Variants in LARGE1 observed in about 807,000 individuals in gnomAD.
LARGE1 encodes the protein xylosyl- and glucuronyltransferase LARGE1.
In LARGE1, 43 loss-of-function variants were observed where a neutral mutation model predicts 87.6. That is an observed-to-expected ratio of 0.49 (90% confidence interval 0.38 to 0.63). The LOEUF is 0.63. Ranked by LOEUF, LARGE1 falls within the 30% of genes least tolerant of loss-of-function variation. The pLI is 0.00. For synonymous variants in LARGE1, 434 were observed against 394.6 expected, an observed-to-expected ratio of 1.10 and a Z score of -1.18; for missense variants, 802 against 1,000.2, an observed-to-expected ratio of 0.80 and a Z score of 2.67.
At chr22:33,735,576 A>G (rs2083626708) in intron 2 of LARGE1, among the ~76,000 whole-genome samples, 1 of 152,188 alleles carries the variant, frequency 6.6e-6, no homozygotes, top group Admixed American at 6.5e-5. Context: ...TGGTGAATGA[A>G]GGGATCCAAG....
intron 7 of LARGE1, among the ~76,000 whole-genome samples, chr22:33,384,660 A>G (rs1288464691): frequency 6.7e-6 from 1 of 148,874 alleles, no homozygotes; most frequent in Admixed American, 6.7e-5. Flanking sequence ...AGAGCCTAGC[A>G]TTGTATGGAG....
At chr22:33,647,659 C>T (rs563832876) in intron 3 of LARGE1, among the ~76,000 whole-genome samples, 1 of 152,330 alleles carries the variant, frequency 6.6e-6, no homozygotes, top group Admixed American at 6.5e-5. Context: ...TTTTTGATAA[C>T]CTGCAGTGAA....
intron 12 of LARGE1, among the ~76,000 whole-genome samples, chr22:33,293,082 T>A (rs1402926316): frequency 6.6e-6 from 1 of 151,818 alleles, no homozygotes; most frequent in East Asian, 1.9e-4. Flanking sequence ...GTGTGCAGAG[T>A]CATGGAAGAC....
intron 2 of LARGE1, among the ~76,000 whole-genome samples, chr22:33,739,343 C>G (rs2083788732): frequency 6.6e-6 from 1 of 152,172 alleles, no homozygotes. Flanking sequence ...CCCTGGGCAT[C>G]TGACATCCTC....
chr22:33,454,616 TAAAAAAAAA>T (rs563852024), intron 6 of LARGE1, among the ~76,000 whole-genome samples: 1 of 111,480 alleles, frequency 9.0e-6, no homozygotes, highest in Non-Finnish European at 1.9e-5. Context: ...AGACTCTGTC[TAAAAAAAAA>T]AAAAAAAAAA....
intron 2 of LARGE1, among the ~76,000 whole-genome samples, chr22:33,696,240 TTTC>T (rs2082243228): frequency 4.3e-5 from 1 of 23,004 alleles, no homozygotes; most frequent in Non-Finnish European, 7.5e-5. Context: ...AGTATTTTTC[TTTC>T]TTTCTTTCTT....
At chr22:33,148,775 G>A in the LARGE1 span, among the ~76,000 whole-genome samples, 1 of 152,002 alleles carries the variant, frequency 6.6e-6, no homozygotes, top group African/African-American at 2.4e-5. Flanking sequence ...ATTCTGGTAG[G>A]TGTGTAATAT....
At chr22:33,299,860 G>A (rs1180266033) in intron 12 of LARGE1, among the ~76,000 whole-genome samples, 1 of 152,226 alleles carries the variant, frequency 6.6e-6, no homozygotes, top group Non-Finnish European at 1.5e-5. Context: ...GTACATCCAG[G>A]AGCTCATTCT....
intron 6 of LARGE1, among the ~76,000 whole-genome samples, chr22:33,502,441 A>G (rs9609813): frequency 0.43 from 64,732 of 152,096 alleles, 18,237 homozygotes; most frequent in African/African-American, 0.8. Flanking sequence ...CAGAAAGTGA[A>G]CCACGGAGCA....
intron 7 of LARGE1, among the ~76,000 whole-genome samples, chr22:33,427,970 T>C (rs1056705954): frequency 6.6e-6 from 1 of 152,242 alleles, no homozygotes; most frequent in Admixed American, 6.5e-5. Context: ...ATATGCGAAC[T>C]AAATAGTCAT....
chr22:33,419,465 C>G (rs561178364), intron 7 of LARGE1, among the ~76,000 whole-genome samples: 1 of 151,942 alleles, frequency 6.6e-6, no homozygotes, highest in Admixed American at 6.5e-5. Context: ...GTGGCCTTTG[C>G]ACGTGCCGTC....
intron 1 of LARGE1, among the ~76,000 whole-genome samples, chr22:33,779,077 C>T (rs1174956699): frequency 6.6e-6 from 1 of 152,160 alleles, no homozygotes; most frequent in Non-Finnish European, 1.5e-5. Flanking sequence ...AGTTTTGCTA[C>T]AAACATTTGC....
chr22:33,334,734 G>A (rs1938225375), intron 10 of LARGE1, among the ~76,000 whole-genome samples: 1 of 152,176 alleles, frequency 6.6e-6, no homozygotes. Context: ...TCATTCATGG[G>A]CCTCCTGGGC....
the LARGE1 span, among the ~76,000 whole-genome samples, chr22:33,096,287 A>G: frequency 6.6e-6 from 1 of 151,842 alleles, no homozygotes; most frequent in South Asian, 2.1e-4. Flanking sequence ...ATGGTAGTGC[A>G]TGCCTGTAAT....
rs57790780 is a variant in LARGE1, at chr22:33,728,551, C to CAAA, written c.106+32817_106+32819dup. Reference sequence around the variant, plus strand: ...GAGACTCCGTCTCCACCCCTACCACCAAAAAAAAAAAAAAAAAAAAAAAAA... The same window carrying CAAA: ...GAGACTCCGTCTCCACCCCTACCACCAAAAAAAAAAAAAAAAAAAAAAAAAAAA... On this transcript the variant is annotated intron_variant, in intron 2 of 14. Transcript: ENST00000397394. Among the ~76,000 whole-genome samples the CAAA allele has an allele frequency of 1.5e-3, 55 of 37,464 alleles. 1 individual carries two copies. The highest frequency in any genetic ancestry group is 2.8e-3 in the African/African-American group (46 of 16,294). 24.6% of individuals were successfully genotyped at this position (37,464 alleles called of 152,430 possible). A position where few individuals can be genotyped will look rare whatever the true frequency, so the allele number is the denominator to read the frequency against.
intron 11 of LARGE1, among the ~76,000 whole-genome samples, chr22:33,205,217 C>T (rs758639756): frequency 1.1e-4 from 16 of 152,170 alleles, no homozygotes; most frequent in Admixed American, 3.3e-4. Flanking sequence ...CTGGGCAATG[C>T]TCACATGACA....
chr22:33,784,902 ATAT>A (rs1348339544), intron 1 of LARGE1, among the ~76,000 whole-genome samples: 6 of 122,242 alleles, frequency 4.9e-5, no homozygotes, highest in Admixed American at 7.8e-5. Context: ...TATATACTGT[ATAT>A]TATATGTGTG....
chr22:33,544,921 A>G (rs1293915261), intron 6 of LARGE1, among the ~76,000 whole-genome samples: 2 of 152,126 alleles, frequency 1.3e-5, no homozygotes, highest in Non-Finnish European at 2.9e-5. Context: ...CTAAAAACCA[A>G]CTGAAACAAG....
At chr22:33,119,212 A>T in the LARGE1 span, among the ~76,000 whole-genome samples, 10 of 152,216 alleles carry the variant, frequency 6.6e-5, no homozygotes, top group Non-Finnish European at 1.5e-4. Context: ...AGCTAAGGAA[A>T]ACTGCTGGGT....
Sources: allele counts gnomAD v4.1 joint callset (sites outside exome capture counted in the v4.1 genomes callset), GRCh38; gene constraint gnomAD v4.1.1; transcripts MANE v1.5; gene names NCBI Gene and HGNC (gene_info 2026-07-23, HGNC 2026-07-21).